The following CAMKMT variants were observed in gnomAD, a reference collection of about 807,000 sequenced individuals.
CAMKMT encodes the protein CaM KMT.
A neutral mutation model predicts 48.0 loss-of-function variants in CAMKMT; 53 were observed. The ratio of observed to expected loss-of-function variants is 1.10; its 90% confidence interval spans 0.89 to 1.39. The LOEUF is 1.39. Ranked by LOEUF, CAMKMT falls within the 40% of genes most tolerant of loss-of-function variation. CAMKMT has a pLI of 0.00. For synonymous variants in CAMKMT, 165 were observed against 152.3 expected (o/e 1.08, Z -0.61); for missense variants, 428 against 402.7 (o/e 1.06, Z -0.54).
Position 44,747,065 on chromosome 2 carries a change from G to A in CAMKMT, c.698+3369G>A, listed in dbSNP as rs146072156. ...TGAAATGCCACCCATACCCTGACCG[G>A]CCCATTGAGCTGGGTATGCAGGACA... On this transcript the variant is annotated intron_variant, in intron 8 of 10. Transcript: ENST00000378494. 2.0e-3 allele frequency among the ~76,000 whole-genome samples: 299 copies of A among 152,228 alleles called. 2 individuals are homozygous for A. Among genetic ancestry groups the A allele is most frequent in the African/African-American group, 6.9e-3 (285 of 41,532 alleles).
intron 3 of CAMKMT, among the ~76,000 whole-genome samples, chr2:44,633,099 T>G (rs1296784117): frequency 1.3e-5 from 2 of 152,152 alleles, no homozygotes; most frequent in African/African-American, 4.8e-5. Flanking sequence ...ACTTGAAAAT[T>G]TTCATTCCAT....
At chr2:44,539,533 A>G (rs1666975376) in intron 3 of CAMKMT, among the ~76,000 whole-genome samples, 1 of 152,138 alleles carries the variant, frequency 6.6e-6, no homozygotes, top group African/African-American at 2.4e-5. Context: ...CTTAAACCAT[A>G]TTCAGATTTC....
chr2:44,553,827 A>G (rs1572784081), intron 3 of CAMKMT, among the ~76,000 whole-genome samples: 1 of 152,348 alleles, frequency 6.6e-6, no homozygotes, highest in Middle Eastern at 3.4e-3. Flanking sequence ...TAAAATAAAA[A>G]GAATAATTTA....
chr2:44,466,670 A>G (rs1321772850), intron 3 of CAMKMT, among the ~76,000 whole-genome samples: 1 of 152,196 alleles, frequency 6.6e-6, no homozygotes, highest in African/African-American at 2.4e-5. Flanking sequence ...AGATTTGAAC[A>G]GAAATAAATA....
intron 3 of CAMKMT, among the ~76,000 whole-genome samples, chr2:44,596,081 C>T (rs185289124): frequency 4.9e-4 from 75 of 151,526 alleles, no homozygotes; most frequent in Non-Finnish European, 1.0e-3. Context: ...CACGTATATA[C>T]CTATGTAACA....
chr2:44,531,271 G>T (rs751501241), intron 3 of CAMKMT, among the ~76,000 whole-genome samples: 1 of 151,922 alleles, frequency 6.6e-6, no homozygotes, highest in Non-Finnish European at 1.5e-5. Flanking sequence ...AATACACCAG[G>T]GTCACATAGA....
intron 3 of CAMKMT, among the ~76,000 whole-genome samples, chr2:44,626,746 G>A (rs12615693): frequency 0.56 from 84,371 of 151,860 alleles, 25,157 homozygotes; most frequent in Admixed American, 0.67. Context: ...TCATTTTGGG[G>A]GTTAGGATTT....
chr2:44,707,331 C>T, intron 5 of CAMKMT, 68 bp from the exon 6 acceptor site: 1 of 1,390,580 alleles, frequency 7.2e-7, no homozygotes, highest in South Asian at 1.2e-5. Context: ...GCTTGTCACT[C>T]CTGTCTTCAC....
At chr2:44,424,128 A>G (rs1338703848) in intron 3 of CAMKMT, among the ~76,000 whole-genome samples, 1 of 151,954 alleles carries the variant, frequency 6.6e-6, no homozygotes, top group Non-Finnish European at 1.5e-5. Context: ...GTCCTCTTAT[A>G]CTATTTGCTA....
At chr2:44,635,783 G>A (rs1169833613) in intron 3 of CAMKMT, among the ~76,000 whole-genome samples, 1 of 152,162 alleles carries the variant, frequency 6.6e-6, no homozygotes, top group Non-Finnish European at 1.5e-5. Context: ...CTAACCTAGT[G>A]TTGTTGATTA....
chr2:44,710,015 TA>T (rs1470728543), intron 6 of CAMKMT, among the ~76,000 whole-genome samples: 2 of 152,102 alleles, frequency 1.3e-5, no homozygotes, highest in African/African-American at 4.8e-5. Flanking sequence ...TTTTAAAAAT[TA>T]TTTTTTTTGT....
At chr2:44,420,475 A>AT (rs1308055205) in intron 3 of CAMKMT, among the ~76,000 whole-genome samples, 4 of 152,130 alleles carry the variant, frequency 2.6e-5, no homozygotes, top group Non-Finnish European at 5.9e-5. Flanking sequence ...ACTTTTGACT[A>AT]TTAATAAACC....
At chr2:44,524,598 G>A (rs558210750) in intron 3 of CAMKMT, among the ~76,000 whole-genome samples, 2 of 149,528 alleles carry the variant, frequency 1.3e-5, no homozygotes, top group East Asian at 2.0e-4. Flanking sequence ...TCATCAAGCA[G>A]TGTACACTGG....
At chr2:44,664,105 G>T (rs1229746369) in intron 3 of CAMKMT, among the ~76,000 whole-genome samples, 4 of 152,108 alleles carry the variant, frequency 2.6e-5, no homozygotes, top group Non-Finnish European at 5.9e-5. Context: ...TAAACAGTTG[G>T]GTTATAGTTG....
At chr2:44,493,877 CTG>C (rs1669632649) in intron 3 of CAMKMT, among the ~76,000 whole-genome samples, 1 of 152,166 alleles carries the variant, frequency 6.6e-6, no homozygotes, top group East Asian at 1.9e-4. Flanking sequence ...AAACCAGTAA[CTG>C]TTAACCCTAA....
chr2:44,500,329 GC>G (rs967595804), intron 3 of CAMKMT, among the ~76,000 whole-genome samples: 48 of 152,156 alleles, frequency 3.2e-4, no homozygotes, highest in African/African-American at 1.1e-3. Flanking sequence ...ACTCTTTTGA[GC>G]TTGTCTTATT....
At chr2:44,501,340 G>T (rs1669996389) in intron 3 of CAMKMT, among the ~76,000 whole-genome samples, 1 of 151,998 alleles carries the variant, frequency 6.6e-6, no homozygotes, top group Non-Finnish European at 1.5e-5. Flanking sequence ...ACTTTCACTG[G>T]GTGAGATAGA....
rs182106564 is a variant in CAMKMT at position 44,579,405 on chromosome 2, C to T, written c.377-124878C>T. Among the ~76,000 whole-genome samples, 14 of 152,290 alleles carry T rather than the reference C, an allele frequency of 9.2e-5. No individual in the cohort carries two copies. In the East Asian group the frequency reaches 1.5e-3, roughly 17 times the overall value. On this transcript the variant is annotated intron_variant, in intron 3 of 10. Transcript: ENST00000378494. The stretch of plus-strand genomic sequence containing the variant: ...GTACAGGTCCAATTTCAGCACCAAA[C>T]GCTTACCTGTCAGTCAGCAAAATTG...
At chr2:44,760,718 G>A (rs770893890) in intron 9 of CAMKMT, among the ~76,000 whole-genome samples, 4 of 152,088 alleles carry the variant, frequency 2.6e-5, no homozygotes, top group Non-Finnish European at 2.9e-5. Flanking sequence ...TTGAGCAGTG[G>A]TGTGGTCAGG....
Sources: allele counts gnomAD v4.1 joint callset (sites outside exome capture counted in the v4.1 genomes callset), GRCh38; gene constraint gnomAD v4.1.1; transcripts MANE v1.5; gene names NCBI Gene and HGNC (gene_info 2026-07-23, HGNC 2026-07-21).